Variants in APC2 observed in about 807,000 individuals in gnomAD.
The protein encoded by APC2 is adenomatous polyposis coli protein 2.
Under a neutral mutation model 72.5 loss-of-function variants are expected in APC2, and 41 were observed. The observed-to-expected ratio is 0.57, with a 90% CI of 0.44 to 0.73. The LOEUF (loss-of-function observed/expected upper bound fraction) is 0.73. Among genes scored for constraint, APC2 ranks in the 30% least tolerant of loss-of-function variants. APC2 has a pLI of 0.00. For missense variants in APC2, 3,729 were observed against 3,403.4 expected (o/e 1.10, Z -2.38); for synonymous variants, 1,898 against 1,612.0 (o/e 1.18, Z -4.25).
chr19:1,458,115 G>C (rs1302555739), intron 10 of APC2, 55 bp downstream of exon 10: 4 of 1,487,598 alleles, frequency 2.7e-6, no homozygotes, highest in South Asian at 2.4e-5. Context: ...ACAGGTGGTG[G>C]CTCCTCGGCC....
intron 13 of APC2, 179 bp from the exon 14 acceptor site, chr19:1,461,784 G>A (rs555506318): frequency 2.9e-5 from 17 of 588,464 alleles, no homozygotes; most frequent in East Asian, 8.7e-5. Flanking sequence ...CTGGGGAGTC[G>A]GAGCCTGCAG....
Position 1,456,376 on chromosome 19 carries a change from A to G in APC2, c.788A>G (p.Asp263Gly). 6.2e-7 allele frequency: 1 copy of G among 1,607,574 alleles called. No individual in the cohort carries two copies. Among genetic ancestry groups the G allele is most frequent in the Non-Finnish European group, 8.5e-7 (1 of 1,177,970 alleles). ...ACAGAGGTCCCCACACACCCTGAGG[A>G]TGGCACCCCTCAGCCGGGCAACAGC... ...PETEVPTHPE[D>G]GTPQPGNSKV... Residue 263 changes from aspartate (D) to glycine (G), a missense_variant, in exon 8 of 15, where the codon GAT (aspartate) becomes GGT (glycine). By Grantham distance (94) the Asp-to-Gly change is moderately conservative. Transcript: ENST00000590469.
chr19:1,457,607 A>C (rs2083855618), intron 9 of APC2: 1 of 499,524 alleles, frequency 2.0e-6, no homozygotes, highest in South Asian at 2.3e-5. Context: ...CAGAAGCAGG[A>C]GAATTGCTTG....
rs1220780982 is a variant in APC2 at position 1,469,567 on chromosome 19, C to G, written c.6266C>G (p.Pro2089Arg). Reference protein sequence around the residue: ...ESPSRLPVRAPAARPETVKRY... With the variant: ...ESPSRLPVRARAARPETVKRY... ...CCGTCCCGCCTGCCTGTGCGCGCGCCCGCCGCCCGGCCGGAGACTGTCAAG... is the reference window on the plus strand; with the variant it reads ...CCGTCCCGCCTGCCTGTGCGCGCGCGCGCCGCCCGGCCGGAGACTGTCAAG... The change falls in exon 15 of 15, where the codon CCC becomes CGC. Residue 2089 changes from proline (P) to arginine (R), a missense_variant. Transcript: ENST00000590469. 5 of 1,241,734 alleles carry G rather than the reference C, an allele frequency of 4.0e-6. No individual in the cohort carries two copies. The East Asian group carries it at 2.1e-4, about 52-fold the overall frequency. 76.9% of individuals were successfully genotyped at this position (1,241,734 alleles called of 1,614,324 possible).
rs562709120 is a variant in APC2 at position 1,465,821 on chromosome 19, G to A, written c.2520G>A (p.Ala840=). The A allele has an allele frequency of 7.0e-5, 110 of 1,575,782 alleles. No homozygotes were observed. Among genetic ancestry groups the A allele is most frequent in the East Asian group, 5.7e-4 (25 of 43,970 alleles). The part of the protein sequence containing the change: ...EKDTSGEAAV[A]AKAKAKLALA... ...ACACCAGTGGGGAGGCAGCCGTGGC[G>A]GCCAAGGCCAAGGCCAAGCTGGCGC... The change falls in exon 15 of 15, where the codon GCG becomes GCA. Residue 840 remains alanine, a synonymous_variant. Transcript: ENST00000590469.
chr19:1,469,228 C>A lies in APC2; in HGVS notation c.5927C>A (p.Ala1976Asp). 1.4e-6 allele frequency: 2 copies of A among 1,421,434 alleles called. No homozygotes were observed. Among genetic ancestry groups the A allele is most frequent in the Non-Finnish European group, 1.8e-6 (2 of 1,085,122 alleles). 88.1% of individuals were successfully genotyped at this position (1,421,434 alleles called of 1,614,324 possible). Residue 1976 changes from alanine (A) to aspartate (D), a missense_variant, in exon 15 of 15, where the codon GCC (alanine) becomes GAC (aspartate). Ala to Asp is a moderately radical substitution (Grantham distance 126). Transcript: ENST00000590469. ...RGGRLGLVRV[A>D]SALSSGSESS... ...GGCCGCCTGGGCCTGGTGCGTGTGG[C>A]CTCAGCCCTCTCCAGCGGCAGCGAG...
intron 9 of APC2, chr19:1,457,629 T>C: frequency 4.0e-6 from 2 of 494,538 alleles, no homozygotes; most frequent in Non-Finnish European, 7.2e-6. Flanking sequence ...GCCCAGGAAT[T>C]TGGGGCTGCA....
intron 11 of APC2, 115 bp downstream of exon 11, chr19:1,460,435 C>T (rs1320849593): frequency 1.3e-6 from 2 of 1,492,670 alleles, no homozygotes; most frequent in Admixed American, 1.9e-5. Flanking sequence ...GCCACTTGTC[C>T]CCAACTTACA....
At position 1,452,718 on chromosome 19, in the gene APC2, C is replaced by A. The variant is rs565715811; in HGVS notation, c.-18-266C>A. The A allele has an allele frequency of 4.4e-6, 2 of 452,594 alleles. No homozygotes were observed. Among genetic ancestry groups the A allele is most frequent in the African/African-American group, 2.0e-5 (1 of 51,000 alleles). The allele number at this position is 452,594 out of a possible 1,614,324, so 28.0% of individuals were successfully genotyped here. On this transcript the variant is annotated intron_variant, in intron 1 of 14. Coordinates refer to ENST00000590469, the MANE Select transcript of APC2 (RefSeq NM_005883.3). This position sits in a 1 kb window ranked among gnomAD's most constrained non-coding sequence, Gnocchi z 5.1. ...TCTGTCGGTCGACTGGTCAGTTGGA[C>A]GTTCAGCTGTCTGTACGTCTGTCTG... is the stretch of plus-strand genomic sequence containing the variant.
chr19:1,457,973 C>T lies in APC2; in HGVS notation c.1216C>T (p.Pro406Ser), dbSNP rs756489747. Residue 406 changes from proline (P) to serine (S), a missense_variant, in exon 10 of 15, where the codon CCC becomes TCC. Coordinates refer to ENST00000590469, the MANE Select transcript of APC2 (RefSeq NM_005883.3). ...EGGGAGSAPI[P>S]IEPQICQATC... is the part of the protein sequence containing the mutation. The stretch of plus-strand genomic sequence containing the variant: ...GGTCCCTGTGCCCACAGCCCCGATC[C>T]CCATCGAGCCGCAGATCTGCCAGGC... 1 of 1,557,258 alleles carries T rather than the reference C, an allele frequency of 6.4e-7. No individual in the cohort carries two copies. Among genetic ancestry groups the T allele is most frequent in the Admixed American group, 1.9e-5 (1 of 51,440 alleles).
chr19:1,455,937 AG>A lies in APC2; in HGVS notation c.640-137del, dbSNP rs2083816410. ...CAGGGCTGGATCAGGGAGAAGGCAG[AG>A]GTAGGGTCAGGGCCTGGGGCGGGGT... On this transcript the variant is annotated intron_variant, in intron 6 of 14. Coordinates refer to ENST00000590469, the MANE Select transcript of APC2 (RefSeq NM_005883.3). 2.0e-5 allele frequency: 17 copies of A among 832,984 alleles called. No individual in the cohort carries two copies. In the East Asian group the frequency reaches 4.6e-4, roughly 22 times the overall value. 51.6% of individuals were successfully genotyped at this position (832,984 alleles called of 1,614,324 possible).
At chr19:1,462,219 C>T (rs779961729) in intron 14 of APC2, 42 bp downstream of exon 14, 44 of 1,497,254 alleles carry the variant, frequency 2.9e-5, no homozygotes, top group East Asian at 1.2e-4. Flanking sequence ...CAGCTGCGCT[C>T]GGGGCGGGCA....
intron 4 of APC2, among the ~76,000 whole-genome samples, chr19:1,454,583 A>G (rs1407873384): frequency 1.5e-5 from 1 of 66,098 alleles, no homozygotes; most frequent in African/African-American, 1.1e-4. Flanking sequence ...TTTTTTTTTG[A>G]GACGGAGTCT....
intron 10 of APC2, among the ~76,000 whole-genome samples, chr19:1,458,839 A>C (rs1310885976): frequency 6.6e-6 from 1 of 151,874 alleles, no homozygotes; most frequent in Non-Finnish European, 1.5e-5. Context: ...GCCCGCCCCC[A>C]CACCTGACTA....
At position 1,455,371 on chromosome 19, in the gene APC2, C is replaced by G. The variant is rs758303503; in HGVS notation, c.523-13C>G. 1 of 1,606,064 alleles carries G rather than the reference C, an allele frequency of 6.2e-7. No homozygotes were observed. The highest frequency in any genetic ancestry group is 1.3e-5 in the African/African-American group (1 of 74,774). On this transcript the variant is annotated splice_polypyrimidine_tract_variant and intron_variant, in intron 5 of 14. Coordinates refer to ENST00000590469, the MANE Select transcript of APC2 (RefSeq NM_005883.3). Reference sequence around the variant, plus strand: ...GCGCCCCTCACCGTGGCCCGCCCGCCTGCCTTTGCCAGCAGTTCTCGATGC... The same window carrying G: ...GCGCCCCTCACCGTGGCCCGCCCGCGTGCCTTTGCCAGCAGTTCTCGATGC...
chr19:1,466,655 G>A lies in APC2; in HGVS notation c.3354G>A (p.Gly1118=). ...AELDSTWRAP[G]ATSLPVAIPA... Reference sequence around the variant, plus strand: ...TGGACAGCACGTGGCGGGCGCCCGGGGCCACCTCGCTGCCCGTAGCCATTC... The same window carrying A: ...TGGACAGCACGTGGCGGGCGCCCGGAGCCACCTCGCTGCCCGTAGCCATTC... Residue 1118 remains glycine (G), a synonymous_variant, in exon 15 of 15, where the codon GGG becomes GGA. Coordinates refer to ENST00000590469, the MANE Select transcript of APC2 (RefSeq NM_005883.3). The A allele has an allele frequency of 6.7e-7, 1 of 1,495,272 alleles. No homozygotes were observed. The highest frequency in any genetic ancestry group is 8.9e-7 in the Non-Finnish European group (1 of 1,123,088). The allele number at this position is 1,495,272 out of a possible 1,614,324, so 92.6% of individuals were successfully genotyped here.
chr19:1,455,475 CGGA>C lies in APC2; in HGVS notation c.615_617del (p.Asp206del). ...CTGATGGAGGAGCGCTTCGGCACCTCGGACGAGATGGTGCAGCGGGCACAGGTG... is the reference window on the plus strand; with the variant it reads ...CTGATGGAGGAGCGCTTCGGCACCTCCGAGATGGTGCAGCGGGCACAGGTG... On this transcript the variant is annotated inframe_deletion, in exon 6 of 15. Transcript: ENST00000590469. 6.2e-7 allele frequency: 1 copy of C among 1,603,478 alleles called. No individual in the cohort carries two copies. The highest frequency in any genetic ancestry group is 2.2e-5 in the East Asian group (1 of 44,506).
intron 9 of APC2, chr19:1,457,684 C>A: frequency 7.4e-6 from 4 of 538,864 alleles, no homozygotes; most frequent in Non-Finnish European, 1.3e-5. Flanking sequence ...GACAACAGAG[C>A]GAGACCCTGT....
chr19:1,447,442 T>C (rs1308090914), upstream of APC2, among the ~76,000 whole-genome samples: 2 of 152,046 alleles, frequency 1.3e-5, no homozygotes, highest in Admixed American at 1.3e-4. Context: ...GAACTTCCCC[T>C]TTAGCCCAGC....
Sources: gnomAD v4.1 joint callset for allele counts (sites outside exome capture counted in the v4.1 genomes callset) on GRCh38, gnomAD v4.1.1 for gene constraint, Gnocchi (gnomAD v3.1) non-coding constraint, MANE v1.5 for transcripts, NCBI Gene and HGNC (gene_info 2026-07-23, HGNC 2026-07-21) for gene names.